Variants in PCDH9 observed in about 807,000 individuals in gnomAD.
PCDH9 encodes the protein protocadherin-9.
A neutral mutation model predicts 70.6 loss-of-function variants in PCDH9; 24 were observed. The ratio of observed to expected loss-of-function variants is 0.34; its 90% CI spans 0.25 to 0.48. PCDH9 has a LOEUF of 0.48. Ranked by LOEUF, PCDH9 falls within the 20% of genes least tolerant of loss-of-function variation. The pLI is 0.99. For synonymous variants in PCDH9, 562 were observed against 558.5 expected (o/e 1.01, Z -0.09); for missense variants, 1,281 against 1,503.6 (o/e 0.85, Z 2.45).
intron 4 of PCDH9, among the ~76,000 whole-genome samples, chr13:66,395,781 G>A (rs1957092641): frequency 6.6e-6 from 1 of 152,112 alleles, no homozygotes; most frequent in South Asian, 2.1e-4. Context: ...TATAAACCAT[G>A]TGGTGTAAAC....
rs541493226 is a variant in PCDH9, at chr13:66,602,110, G to T, written c.3340+29100C>A. 4.1e-5 allele frequency among the ~76,000 whole-genome samples: 6 copies of T among 145,978 alleles called. No homozygotes were observed. The East Asian group carries it at 1.2e-3, about 28-fold the overall frequency. ...TATTAGTGTAGAACAGGGGTGTTCA[G>T]CCTTTTGGTTTCCCTGGGCCACATT... On this transcript the variant is annotated intron_variant, in intron 4 of 4. Coordinates refer to ENST00000377865, the MANE Select transcript of PCDH9 (RefSeq NM_203487.3).
chr13:67,072,993 T>C (rs1201836445), intron 2 of PCDH9, among the ~76,000 whole-genome samples: 1 of 152,186 alleles, frequency 6.6e-6, no homozygotes, highest in East Asian at 1.9e-4. Context: ...GAATGAATTG[T>C]ATATTTTTGA....
chr13:66,354,204 C>T (rs1408496303), intron 4 of PCDH9, among the ~76,000 whole-genome samples: 2 of 152,078 alleles, frequency 1.3e-5, no homozygotes, highest in Non-Finnish European at 2.9e-5. Context: ...TAAATACAGA[C>T]TCCCTCTGAT....
intron 2 of PCDH9, among the ~76,000 whole-genome samples, chr13:66,970,981 T>C (rs2083512191): frequency 6.6e-6 from 1 of 152,046 alleles, no homozygotes; most frequent in Non-Finnish European, 1.5e-5. Context: ...CACTGTGCAA[T>C]TGTGTCAGTC....
chr13:67,120,214 T>TAATAATAATAAG (rs2086851083), intron 2 of PCDH9, among the ~76,000 whole-genome samples: 1 of 149,430 alleles, frequency 6.7e-6, no homozygotes, highest in East Asian at 1.9e-4. Flanking sequence ...ATAATAATAA[T>TAATAATAATAAG]AAAGGGTCTG....
intron 3 of PCDH9, among the ~76,000 whole-genome samples, chr13:66,850,871 G>A (rs917822674): frequency 1.8e-4 from 28 of 152,132 alleles, no homozygotes; most frequent in African/African-American, 6.5e-4. Context: ...TATCTTACAT[G>A]GAGTCTCCTG....
At chr13:67,141,374 C>T (rs2087382480) in intron 2 of PCDH9, among the ~76,000 whole-genome samples, 2 of 151,876 alleles carry the variant, frequency 1.3e-5, no homozygotes, top group South Asian at 2.1e-4. Flanking sequence ...GATCACTTGA[C>T]CCCAGGAGTT....
intron 3 of PCDH9, among the ~76,000 whole-genome samples, chr13:66,693,635 A>G (rs1196247039): frequency 6.6e-6 from 1 of 152,168 alleles, no homozygotes; most frequent in Non-Finnish European, 1.5e-5. Context: ...CTGTTTTCCC[A>G]ATAGCAAATA....
At chr13:66,529,008 T>C (rs182714803) in intron 4 of PCDH9, among the ~76,000 whole-genome samples, 2 of 152,244 alleles carry the variant, frequency 1.3e-5, no homozygotes, top group African/African-American at 4.8e-5. Context: ...CAAAGTCTTA[T>C]GGAGATTGAT....
At chr13:66,477,562 T>C (rs1037825712) in intron 4 of PCDH9, among the ~76,000 whole-genome samples, 1 of 152,180 alleles carries the variant, frequency 6.6e-6, no homozygotes, top group Non-Finnish European at 1.5e-5. Flanking sequence ...ATTAGGCAAA[T>C]TGCTTTGCCT....
chr13:66,843,415 A>G (rs1023101928), intron 3 of PCDH9, among the ~76,000 whole-genome samples: 1 of 152,160 alleles, frequency 6.6e-6, no homozygotes, highest in African/African-American at 2.4e-5. Flanking sequence ...TGCTCTGGTG[A>G]ACACAGTCTA....
chr13:66,910,335 C>G lies in PCDH9; in HGVS notation c.3037-6730G>C, dbSNP rs2082439498. On this transcript the variant is annotated intron_variant, in intron 2 of 4. Coordinates refer to ENST00000377865, the MANE Select transcript of PCDH9 (RefSeq NM_203487.3). ...GGCCATTAAATAGACCAGTTGGCTT[C>G]CCTTAGTTATAGTTCCATGTGATCA... Among the ~76,000 whole-genome samples, 3 of 151,132 alleles carry G rather than the reference C, an allele frequency of 2.0e-5. No homozygotes were observed. In the South Asian group the frequency reaches 6.3e-4, roughly 31 times the overall value.
At chr13:66,878,765 A>G (rs1488734903) in intron 3 of PCDH9, among the ~76,000 whole-genome samples, 1 of 152,202 alleles carries the variant, frequency 6.6e-6, no homozygotes, top group Non-Finnish European at 1.5e-5. Context: ...GCAAAGGAAA[A>G]TCATTGGGGA....
chr13:66,840,219 T>C (rs2081093364), intron 3 of PCDH9, among the ~76,000 whole-genome samples: 1 of 152,140 alleles, frequency 6.6e-6, no homozygotes. Flanking sequence ...TCCTCTAATA[T>C]GGAATCAACT....
At chr13:66,801,455 T>C (rs1399826661) in intron 3 of PCDH9, among the ~76,000 whole-genome samples, 1 of 152,140 alleles carries the variant, frequency 6.6e-6, no homozygotes, top group African/African-American at 2.4e-5. Context: ...CAAATTTCCA[T>C]CTTAAAGCAA....
rs985046997 is a variant in PCDH9, at chr13:67,150,369, CAA to C, written c.3036+75034_3036+75035del. On this transcript the variant is annotated intron_variant, in intron 2 of 4. Transcript: ENST00000377865. ...TGAGTTTTAATCAATACAAAAAGCCCAAAGTGTTGGTTTCCATACAAGTCAGA... is the reference window on the plus strand; with the variant it reads ...TGAGTTTTAATCAATACAAAAAGCCCAGTGTTGGTTTCCATACAAGTCAGA... Among the ~76,000 whole-genome samples, 67 of 152,142 alleles carry C rather than the reference CAA, an allele frequency of 4.4e-4. 1 individual carries two copies. The highest frequency in any genetic ancestry group is 2.9e-3 in the Admixed American group (44 of 15,264).
At chr13:66,828,810 A>AAATAATAATAATAATAAT (rs61269805) in intron 3 of PCDH9, among the ~76,000 whole-genome samples, 6 of 148,608 alleles carry the variant, frequency 4.0e-5, no homozygotes, top group Non-Finnish European at 8.9e-5. Flanking sequence ...GCCATACATA[A>AAATAATAATAATAATAAT]AATAATAATA....
chr13:66,859,014 G>A (rs2081439011), intron 3 of PCDH9: 1 of 152,112 alleles, frequency 6.6e-6, no homozygotes, highest in Non-Finnish European at 1.5e-5. Flanking sequence ...TGAGCTTTGT[G>A]AAGTCGACTG....
chr13:66,855,012 AAG>A (rs2081371389), intron 3 of PCDH9, among the ~76,000 whole-genome samples: 1 of 152,140 alleles, frequency 6.6e-6, no homozygotes, highest in African/African-American at 2.4e-5. Flanking sequence ...TGCATATAAC[AAG>A]ACCTGAATGC....
Sources: gnomAD v4.1 joint callset for allele counts (sites outside exome capture counted in the v4.1 genomes callset) on GRCh38, gnomAD v4.1.1 for gene constraint, MANE v1.5 for transcripts, NCBI Gene and HGNC (gene_info 2026-07-23, HGNC 2026-07-21) for gene names.